HDAC7: variants seen among roughly 807,000 people sequenced by gnomAD.
HDAC7 encodes the protein histone deacetylase 7A.
In HDAC7, 26 loss-of-function variants were observed where a neutral mutation model predicts 115.5. That is an observed-to-expected ratio of 0.23 (90% CI 0.16 to 0.31). HDAC7 has a LOEUF of 0.31. Ranked by LOEUF, HDAC7 falls within the 10% of genes least tolerant of loss-of-function variation. HDAC7 has a pLI of 1.00. For synonymous variants in HDAC7, 564 were observed against 550.9 expected, an observed-to-expected ratio of 1.02 and a Z score of -0.33; for missense variants, 1,068 against 1,329.0, an observed-to-expected ratio of 0.80 and a Z score of 3.05.
Position 47,798,291 on chromosome 12 carries a change from C to G in HDAC7, c.350-72G>C, listed in dbSNP as rs541627118. 3 of 1,209,188 alleles carry G rather than the reference C, an allele frequency of 2.5e-6. No homozygotes were observed. The South Asian group carries it at 3.6e-5, about 15-fold the overall frequency. The allele number at this position is 1,209,188 out of a possible 1,614,324, so 74.9% of individuals were successfully genotyped here. ...GCCTCGTGGCACTACCTGGCCACTG[C>G]CCTGTCCCCATCCTCAGTAGGAGGC... is the stretch of plus-strand genomic sequence containing the variant. On this transcript the variant is annotated intron_variant, in intron 4 of 25. Transcript: ENST00000080059. This position sits in a 1 kb window ranked among gnomAD's most constrained non-coding sequence, Gnocchi z 4.3.
At position 47,805,736 on chromosome 12, in the gene HDAC7, C is replaced by T. The variant is rs530811261; in HGVS notation, c.20-3462G>A. Reference sequence around the variant, plus strand: ...CGTTCAGACCAACACTCTCATTTGACAGAGGAGCAAAGAGAAAGAAGGGGC... The same window carrying T: ...CGTTCAGACCAACACTCTCATTTGATAGAGGAGCAAAGAGAAAGAAGGGGC... On this transcript the variant is annotated intron_variant, in intron 1 of 25. Coordinates refer to ENST00000080059, the MANE Select transcript of HDAC7 (RefSeq NM_015401.5). Among the ~76,000 whole-genome samples, 25 of 152,330 alleles carry T rather than the reference C, an allele frequency of 1.6e-4. 1 individual carries two copies. In the South Asian group the frequency reaches 5.0e-3, roughly 30 times the overall value.
chr12:47,809,970 A>G (rs952824705), intron 1 of HDAC7, among the ~76,000 whole-genome samples: 3 of 150,870 alleles, frequency 2.0e-5, no homozygotes, highest in African/African-American at 7.3e-5. Flanking sequence ...TTTTTGAGAC[A>G]GAATTTCACT....
At chr12:47,794,332 T>C (rs1308002670) in intron 12 of HDAC7, among the ~76,000 whole-genome samples, 3 of 152,254 alleles carry the variant, frequency 2.0e-5, no homozygotes, top group Admixed American at 6.5e-5. Flanking sequence ...CCAGCCTGTA[T>C]CCCAACAGCT....
Position 47,794,854 on chromosome 12 carries a change from G to A in HDAC7, c.1364C>T (p.Pro455Leu), listed in dbSNP as rs114936068. The change falls in exon 12 of 26, where the codon CCG (proline) becomes CTG (leucine). Residue 455 changes from proline to leucine, a missense_variant. Pro to Leu is a moderately conservative substitution (Grantham distance 98). Coordinates refer to ENST00000080059, the MANE Select transcript of HDAC7 (RefSeq NM_015401.5). The stretch of plus-strand genomic sequence containing the variant: ...CAGGCCATCGTCCACCACCTGGCCC[G>A]GTCCCCCGCCATCTGTCTCCAGGTC... ...AEDLETDGGG[P>L]GQVVDDGLEH... 5.1e-5 allele frequency: 82 copies of A among 1,613,300 alleles called. No homozygotes were observed. Among genetic ancestry groups the A allele is most frequent in the Middle Eastern group, 3.3e-4 (2 of 6,062 alleles).
At chr12:47,810,407 C>CTAG (rs1370316528) in intron 1 of HDAC7, among the ~76,000 whole-genome samples, 2 of 152,128 alleles carry the variant, frequency 1.3e-5, no homozygotes, top group African/African-American at 2.4e-5. Flanking sequence ...AGCCTGCCTC[C>CTAG]TAGTAGTGGC....
rs989008814 is a variant in HDAC7, at chr12:47,786,983, ATGTGTGTGTGCATG to A, written c.2454-294_2454-281del. ...GAATGAAAGAGGAGTGTGTGTGACCATGTGTGTGTGCATGTGTGTGTGTGCATGCAAGCATCTGT... is the reference window on the plus strand; with the variant it reads ...GAATGAAAGAGGAGTGTGTGTGACCATGTGTGTGTGCATGCAAGCATCTGT... On this transcript the variant is annotated intron_variant, in intron 21 of 25. Coordinates refer to ENST00000080059, the MANE Select transcript of HDAC7 (RefSeq NM_015401.5). Among the ~76,000 whole-genome samples, 13 of 152,142 alleles carry A rather than the reference ATGTGTGTGTGCATG, an allele frequency of 8.5e-5. No homozygotes were observed. The East Asian group carries it at 9.6e-4, about 11-fold the overall frequency.
rs868590387 is a variant in HDAC7, at chr12:47,793,436, C to A, written c.1611G>T (p.Glu537Asp). Residue 537 changes from glutamate (E) to aspartate (D), a missense_variant, in exon 13 of 26, where the codon GAG becomes GAT. Glu to Asp is a conservative substitution (Grantham distance 45). Transcript: ENST00000080059. The surrounding 1 kb of genome is among the most constrained non-coding windows in gnomAD (Gnocchi z 4.5). The stretch of plus-strand genomic sequence containing the variant: ...AGAGGACTCGGGCCTGGCTGGCAGG[C>A]TCTGGGGCTGACAGTGAGGCAGGTG... ...PAAPASLSAPEPASQARVLSS... is the reference protein window; with the variant it reads ...PAAPASLSAPDPASQARVLSS... The A allele has an allele frequency of 6.4e-7, 1 of 1,561,288 alleles. No homozygotes were observed.
chr12:47,784,729 C>T (rs1490470117), intron 24 of HDAC7: 22 of 1,535,380 alleles, frequency 1.4e-5, no homozygotes, highest in Non-Finnish European at 1.6e-5. Flanking sequence ...GTGCCCAGGC[C>T]AGGAGAATGC....
rs141698003 is a variant in HDAC7, at chr12:47,791,988, C to T, written c.1695G>A (p.Ser565=). ...AGGAGCACTGGTGCTTCAGCATGAC[C>T]GAGTCATAGATCAGCCCTGCAGGAG... ...LPFTTGLIYD[S]VMLKHQCSCG... Residue 565 remains serine, a synonymous_variant, in exon 14 of 26, where the codon TCG becomes TCA. Coordinates refer to ENST00000080059, the MANE Select transcript of HDAC7 (RefSeq NM_015401.5). The T allele has an allele frequency of 8.1e-6, 13 of 1,609,784 alleles. No homozygotes were observed. Among genetic ancestry groups the T allele is most frequent in the South Asian group, 2.2e-5 (2 of 90,712 alleles).
chr12:47,787,400 A>G (rs546837483), intron 21 of HDAC7, among the ~76,000 whole-genome samples: 25 of 152,052 alleles, frequency 1.6e-4, no homozygotes, highest in Non-Finnish European at 3.2e-4. Context: ...TTGAAGATCC[A>G]TTTCCAGAAT....
intron 12 of HDAC7, among the ~76,000 whole-genome samples, chr12:47,794,406 G>A (rs1943694229): frequency 2.0e-5 from 3 of 152,250 alleles, no homozygotes; most frequent in Admixed American, 6.5e-5. Flanking sequence ...ACACGCTGGA[G>A]CCTGGCTCCA....
At chr12:47,786,867 A>G (rs1049162145) in intron 21 of HDAC7, among the ~76,000 whole-genome samples, 164 bp from the exon 22 acceptor site, 1 of 152,216 alleles carries the variant, frequency 6.6e-6, no homozygotes, top group Non-Finnish European at 1.5e-5. Flanking sequence ...CTGGCCACCC[A>G]TGTCCCTGGC....
At chr12:47,809,076 C>T (rs556623833) in intron 1 of HDAC7, among the ~76,000 whole-genome samples, 9 of 152,338 alleles carry the variant, frequency 5.9e-5, no homozygotes, top group Admixed American at 5.2e-4. Flanking sequence ...CCCTCTGGTG[C>T]CCCACTTAGA....
In HDAC7 at chr12:47,795,615, G is replaced by T; in HGVS notation, c.1059C>A (p.Pro353=). The change falls in exon 10 of 26, where the codon CCC becomes CCA. Residue 353 remains proline, a synonymous_variant. Coordinates refer to ENST00000080059, the MANE Select transcript of HDAC7 (RefSeq NM_015401.5). This position sits in a 1 kb window ranked among gnomAD's most constrained non-coding sequence, Gnocchi z 4.3. The part of the protein sequence containing the change: ...SRLQPILLLD[P]SGSHAPLLTV... Reference sequence around the variant, plus strand: ...TCAGCAGCGGGGCATGAGAGCCTGAGGGGTCCAGGAGGAGAATGGGCTGCA... The same window carrying T: ...TCAGCAGCGGGGCATGAGAGCCTGATGGGTCCAGGAGGAGAATGGGCTGCA... 6.4e-7 allele frequency: 1 copy of T among 1,561,442 alleles called. No individual in the cohort carries two copies. The highest frequency in any genetic ancestry group is 1.2e-5 in the South Asian group (1 of 84,688).
At chr12:47,813,947 T>C (rs111406633) in intron 1 of HDAC7, among the ~76,000 whole-genome samples, 2,232 of 152,334 alleles carry the variant, frequency 0.015, 68 homozygotes, top group African/African-American at 0.052. Context: ...TGAGAGGGGC[T>C]GAGGCCTGCT....
chr12:47,799,120 G>T (rs963802905), intron 2 of HDAC7, 148 bp from the exon 3 acceptor site: 6 of 585,918 alleles, frequency 1.0e-5, no homozygotes, highest in Non-Finnish European at 1.8e-5. Context: ...TCCTGTCGTG[G>T]TCCTGCAAGG....
Position 47,810,726 on chromosome 12 carries a change from A to G in HDAC7, c.20-8452T>C, listed in dbSNP as rs529619917. On this transcript the variant is annotated intron_variant, in intron 1 of 25. Transcript: ENST00000080059. ...CTCTCTGGAAACTGTCAAGCCCTCTACAAAATGCGGGTTGCATAACCAGAG... is the reference window on the plus strand; with the variant it reads ...CTCTCTGGAAACTGTCAAGCCCTCTGCAAAATGCGGGTTGCATAACCAGAG... 2.6e-5 allele frequency among the ~76,000 whole-genome samples: 4 copies of G among 152,204 alleles called. No homozygotes were observed. In the South Asian group the frequency reaches 8.3e-4, roughly 32 times the overall value.
Position 47,789,033 on chromosome 12 carries a change from T to C in HDAC7, c.2235+228A>G, listed in dbSNP as rs1943329167. The C allele has an allele frequency of 3.3e-5, 18 of 541,398 alleles. No individual in the cohort carries two copies. The East Asian group carries it at 5.1e-4, about 15-fold the overall frequency. The allele number at this position is 541,398 out of a possible 1,614,324, so 33.5% of individuals were successfully genotyped here. A position where few individuals can be genotyped will look rare whatever the true frequency, so the allele number is the denominator to read the frequency against. On this transcript the variant is annotated intron_variant, in intron 19 of 25. Coordinates refer to ENST00000080059, the MANE Select transcript of HDAC7 (RefSeq NM_015401.5). ...AAGACAACACTCAAATGACAGCTCCTACTCGTTGCAGGGGTTTGCGATGGC... is the reference window on the plus strand; with the variant it reads ...AAGACAACACTCAAATGACAGCTCCCACTCGTTGCAGGGGTTTGCGATGGC...
chr12:47,785,649 C>T, intron 23 of HDAC7, 103 bp downstream of exon 23: 1 of 1,449,490 alleles, frequency 6.9e-7, no homozygotes, highest in Non-Finnish European at 9.2e-7. Flanking sequence ...CAGGCTTGGC[C>T]ACTCCCACCC....
Sources: gnomAD v4.1 joint callset for allele counts (sites outside exome capture counted in the v4.1 genomes callset) on GRCh38, gnomAD v4.1.1 for gene constraint, Gnocchi (gnomAD v3.1) non-coding constraint, MANE v1.5 for transcripts, NCBI Gene and HGNC (gene_info 2026-07-23, HGNC 2026-07-21) for gene names.